The following CARS1 variants were observed in gnomAD, a reference collection of about 807,000 sequenced individuals.
CARS1 encodes cysteinyl-tRNA synthetase 1.
A neutral mutation model predicts 106.2 loss-of-function variants in CARS1; 48 were observed. The ratio of observed to expected loss-of-function variants is 0.45; its 90% CI spans 0.36 to 0.57. The LOEUF (loss-of-function observed/expected upper bound fraction) is 0.57. Among genes scored for constraint, CARS1 ranks in the 20% least tolerant of loss-of-function variants. The probability of loss-of-function intolerance (pLI) is 0.00; values close to 1 mark genes in which losing one functional copy is unlikely to be tolerated. For synonymous variants in CARS1, 409 were observed against 403.4 expected, an observed-to-expected ratio of 1.01 and a Z score of -0.17; for missense variants, 968 against 1,057.2, an observed-to-expected ratio of 0.92 and a Z score of 1.17.
In CARS1 at chr11:3,028,747, C is replaced by T. The variant is rs1011602016; in HGVS notation, c.1031+249G>A. 1.9e-6 allele frequency: 1 copy of T among 527,112 alleles called. No homozygotes were observed. The highest frequency in any genetic ancestry group is 3.3e-6 in the Non-Finnish European group (1 of 298,534). The allele number at this position is 527,112 out of a possible 1,614,324, so 32.7% of individuals were successfully genotyped here. On this transcript the variant is annotated intron_variant, in intron 9 of 22. Transcript: ENST00000380525. This position sits in a 1 kb window ranked among gnomAD's most constrained non-coding sequence, Gnocchi z 4.4. ...GCTCTGGGGCCCCATGACTGATGGT[C>T]TTGGCTGCCGAGCTTCCCAGCAGAT...
chr11:3,002,852 G>T (rs1849523858), intron 20 of CARS1, among the ~76,000 whole-genome samples: 1 of 152,210 alleles, frequency 6.6e-6, no homozygotes, highest in African/African-American at 2.4e-5. Context: ...AAGGTATGCA[G>T]CAGGCAGACA....
At position 3,026,728 on chromosome 11, in the gene CARS1, C is replaced by T. The variant is rs760804244; in HGVS notation, c.1101G>A (p.Gly367=). Residue 367 remains glycine, a synonymous_variant, in exon 10 of 23, where the codon GGG becomes GGA. Transcript: ENST00000380525. ...CTCCAACGGCCTCAGGCACCAGCTT[C>T]CCATAGGAGTGCTTCTCGCTAGAAG... ...KFASSEKHSY[G]KLVPEAVGDQ... The T allele has an allele frequency of 8.1e-6, 13 of 1,613,882 alleles. No homozygotes were observed. In the South Asian group the frequency reaches 1.4e-4, roughly 18 times the overall value.
intron 21 of CARS1, chr11:3,002,338 C>T: frequency 1.1e-6 from 1 of 918,952 alleles, no homozygotes; most frequent in Non-Finnish European, 1.6e-6. Context: ...ATGGCACAGC[C>T]TTCCCCTTGG....
intron 16 of CARS1, among the ~76,000 whole-genome samples, chr11:3,016,399 T>A (rs1157002770): frequency 6.6e-6 from 1 of 151,820 alleles, no homozygotes; most frequent in Non-Finnish European, 1.5e-5. Flanking sequence ...TTTTTGTATT[T>A]TTTTTAGTAG....
Position 3,019,178 on chromosome 11 carries a change from G to A in CARS1, c.1356C>T (p.Leu452=). 1 of 1,528,758 alleles carries A rather than the reference G, an allele frequency of 6.5e-7. No individual in the cohort carries two copies. The highest frequency in any genetic ancestry group is 8.8e-7 in the Non-Finnish European group (1 of 1,141,754). 94.7% of individuals were successfully genotyped at this position (1,528,758 alleles called of 1,614,324 possible). ...SMDIHGGGFD[L]RFPHHDNELA... ...GCTCATTGTCATGGTGGGGGAACCG[G>A]AGGTCGAACCCACCTCCGTGAATGT... Residue 452 remains leucine, a synonymous_variant, in exon 12 of 23, where the codon CTC becomes CTT. Transcript: ENST00000380525. This position sits in a 1 kb window ranked among gnomAD's most constrained non-coding sequence, Gnocchi z 6.2.
Position 3,001,769 on chromosome 11 carries a change from G to A in CARS1, c.2361+201C>T, listed in dbSNP as rs184020887. Among the ~76,000 whole-genome samples, 6 of 152,290 alleles carry A rather than the reference G, an allele frequency of 3.9e-5. 1 individual carries two copies. The highest frequency in any genetic ancestry group is 3.3e-4 in the Admixed American group (5 of 15,296). On this transcript the variant is annotated intron_variant, in intron 22 of 22. Coordinates refer to ENST00000380525, the MANE Select transcript of CARS1 (RefSeq NM_001014437.3). ...ACACCAGTGGAGGGGGCCCTGGCACGGGCTTGCCTAGCTGCCTGGGCTGTG... is the reference window on the plus strand; with the variant it reads ...ACACCAGTGGAGGGGGCCCTGGCACAGGCTTGCCTAGCTGCCTGGGCTGTG...
chr11:3,020,603 C>T lies in CARS1; in HGVS notation c.1154-271G>A, dbSNP rs73427604. On this transcript the variant is annotated intron_variant, in intron 10 of 22. Transcript: ENST00000380525. The surrounding 1 kb of genome is among the most constrained non-coding windows in gnomAD (Gnocchi z 4.6). Reference sequence around the variant, plus strand: ...GGCCACATCTGGGGTCTCCGTAAGACATTCACCTTCCTGCTGCCTTCTCAC... The same window carrying T: ...GGCCACATCTGGGGTCTCCGTAAGATATTCACCTTCCTGCTGCCTTCTCAC... 3.2e-3 allele frequency among the ~76,000 whole-genome samples: 493 copies of T among 152,346 alleles called. 2 individuals are homozygous for T. The highest frequency in any genetic ancestry group is 0.011 in the African/African-American group (475 of 41,574).
chr11:3,015,419 A>G (rs910677098), intron 17 of CARS1, among the ~76,000 whole-genome samples: 15 of 152,254 alleles, frequency 9.9e-5, no homozygotes, highest in Admixed American at 2.0e-4. Context: ...TCGATGAAGC[A>G]TTTACTGAAT....
At position 3,017,587 on chromosome 11, in the gene CARS1, G is replaced by A; in HGVS notation, c.1727+270C>T. ...GAACCCGGGAGGTGGAGGTTGTGGTGAGCCGAGATCACGCCACTGCACTCC... is the reference window on the plus strand; with the variant it reads ...GAACCCGGGAGGTGGAGGTTGTGGTAAGCCGAGATCACGCCACTGCACTCC... On this transcript the variant is annotated intron_variant, in intron 15 of 22. Coordinates refer to ENST00000380525, the MANE Select transcript of CARS1 (RefSeq NM_001014437.3). This position sits in a 1 kb window ranked among gnomAD's most constrained non-coding sequence, Gnocchi z 4.9. 1.8e-6 allele frequency: 1 copy of A among 555,504 alleles called. No individual in the cohort carries two copies. The highest frequency in any genetic ancestry group is 3.2e-6 in the Non-Finnish European group (1 of 313,626). 34.4% of individuals were successfully genotyped at this position (555,504 alleles called of 1,614,324 possible). A position where few individuals can be genotyped will look rare whatever the true frequency, so the allele number is the denominator to read the frequency against.
In CARS1 at chr11:3,057,376, A is replaced by C. The variant is rs1197636760; in HGVS notation, c.-9T>G. On this transcript the variant is annotated 5_prime_UTR_variant, in exon 1 of 23. Transcript: ENST00000380525. ...CCGGAGGAATCTGCCATGGCTGGGA[A>C]TCCCGGACCCGCAGCTGCGGCTACA... The C allele has an allele frequency of 1.2e-6, 2 of 1,609,940 alleles. No individual in the cohort carries two copies. The highest frequency in any genetic ancestry group is 2.7e-5 in the African/African-American group (2 of 75,000).
In CARS1 at chr11:3,020,222, T is replaced by C; in HGVS notation, c.1264A>G (p.Lys422Glu). The C allele has an allele frequency of 1.3e-6, 2 of 1,594,160 alleles. No individual in the cohort carries two copies. Among genetic ancestry groups the C allele is most frequent in the Non-Finnish European group, 1.7e-6 (2 of 1,161,800 alleles). The change falls in exon 11 of 23, where the codon AAG becomes GAG. Residue 422 changes from lysine to glutamate, a missense_variant and splice_region_variant. Lys to Glu is a moderately conservative substitution (Grantham distance 56, BLOSUM62 1). Transcript: ENST00000380525. This position sits in a 1 kb window ranked among gnomAD's most constrained non-coding sequence, Gnocchi z 4.6. ...GEPSWPCPWG[K>E]GRPGWHIECS... ...CACCTTCTAGGCCACTCGCTCACCT[T>C]TCCCCAAGGGCACGGCCAGGACGGT...
At position 3,017,664 on chromosome 11, in the gene CARS1, A is replaced by G; in HGVS notation, c.1727+193T>C. On this transcript the variant is annotated intron_variant, in intron 15 of 22. Transcript: ENST00000380525. The surrounding 1 kb of genome is among the most constrained non-coding windows in gnomAD (Gnocchi z 4.9). ...GTCTCAAAAAGAAAAAACAAAAAAG[A>G]AATTCTCCATGCACTTCAACACCCA... The G allele has an allele frequency of 1.7e-6, 1 of 574,342 alleles. No homozygotes were observed. The highest frequency in any genetic ancestry group is 3.1e-6 in the Non-Finnish European group (1 of 325,556). 35.6% of individuals were successfully genotyped at this position (574,342 alleles called of 1,614,324 possible). A position where few individuals can be genotyped will look rare whatever the true frequency, so the allele number is the denominator to read the frequency against.
intron 17 of CARS1, among the ~76,000 whole-genome samples, chr11:3,012,696 C>A (rs1254463111): frequency 6.6e-6 from 1 of 152,152 alleles, no homozygotes; most frequent in African/African-American, 2.4e-5. Context: ...CTTACCTATG[C>A]TGAGGCTGGC....
chr11:3,041,109 T>A lies in CARS1; in HGVS notation c.367-125A>T. The A allele has an allele frequency of 6.7e-7, 1 of 1,491,524 alleles. No individual in the cohort carries two copies. Among genetic ancestry groups the A allele is most frequent in the East Asian group, 2.4e-5 (1 of 42,346 alleles). The allele number at this position is 1,491,524 out of a possible 1,614,324, so 92.4% of individuals were successfully genotyped here. A position where few individuals can be genotyped will look rare whatever the true frequency, so the allele number is the denominator to read the frequency against. On this transcript the variant is annotated intron_variant, in intron 3 of 22. Transcript: ENST00000380525. This position sits in a 1 kb window ranked among gnomAD's most constrained non-coding sequence, Gnocchi z 4.9. ...AGTGTAAACAATTCAACAGAGACCA[T>A]TTTGTTTTACTGTGAAAAGTCACAG...
At chr11:3,011,545 C>G (rs913452863) in intron 18 of CARS1, among the ~76,000 whole-genome samples, 1 of 152,108 alleles carries the variant, frequency 6.6e-6, no homozygotes, top group Non-Finnish European at 1.5e-5. Flanking sequence ...ACCCGGGAGG[C>G]GGAGCTTGCA....
At position 3,046,494 on chromosome 11, in the gene CARS1, A is replaced by C. The variant is rs1310249999; in HGVS notation, c.274+1259T>G. Among the ~76,000 whole-genome samples, 3 of 152,188 alleles carry C rather than the reference A, an allele frequency of 2.0e-5. No homozygotes were observed. The highest frequency in any genetic ancestry group is 6.5e-5 in the Admixed American group (1 of 15,274). On this transcript the variant is annotated intron_variant, in intron 2 of 22. Transcript: ENST00000380525. The surrounding 1 kb of genome is among the most constrained non-coding windows in gnomAD (Gnocchi z 5.8). Reference sequence around the variant, plus strand: ...GGGGAAGGACGTGACCTGCACAGCAACGGCCTCTGCCCTACGCTGGGGAAG... The same window carrying C: ...GGGGAAGGACGTGACCTGCACAGCACCGGCCTCTGCCCTACGCTGGGGAAG...
intron 20 of CARS1, 68 bp downstream of exon 20, chr11:3,005,298 T>C (rs1849750943): frequency 1.7e-6 from 2 of 1,172,230 alleles, no homozygotes; most frequent in South Asian, 2.5e-5. Context: ...AAGTAAACTA[T>C]GTAATAATCG....
rs561883078 is a variant in CARS1 at position 3,038,029 on chromosome 11, G to A, written c.801+21C>T. 109 of 1,604,688 alleles carry A rather than the reference G, an allele frequency of 6.8e-5. No individual in the cohort carries two copies. The East Asian group carries it at 2.3e-3, about 33-fold the overall frequency. On this transcript the variant is annotated intron_variant, in intron 7 of 22. Transcript: ENST00000380525. The surrounding 1 kb of genome is among the most constrained non-coding windows in gnomAD (Gnocchi z 4.0). ...GACATTTGACCCGAACGGGCTGTCT[G>A]GGAGATGTGTGAAGCCTCACCTCCA...
Position 3,017,796 on chromosome 11 carries a change from G to A in CARS1, c.1727+61C>T, listed in dbSNP as rs936277176. The A allele has an allele frequency of 1.4e-4, 151 of 1,104,722 alleles. 1 individual carries two copies. The East Asian group carries it at 3.5e-3, about 26-fold the overall frequency. 68.4% of individuals were successfully genotyped at this position (1,104,722 alleles called of 1,614,324 possible). On this transcript the variant is annotated intron_variant, in intron 15 of 22. Transcript: ENST00000380525. This position sits in a 1 kb window ranked among gnomAD's most constrained non-coding sequence, Gnocchi z 4.9. ...GTCCAGGACACATGGTGGCCAAGAT[G>A]CGAGGCTAGGCATAGAACATGGGCA...
Sources: gnomAD v4.1 joint callset for allele counts (sites outside exome capture counted in the v4.1 genomes callset) on GRCh38, gnomAD v4.1.1 for gene constraint, Gnocchi (gnomAD v3.1) non-coding constraint, MANE v1.5 for transcripts, NCBI Gene and HGNC (gene_info 2026-07-23, HGNC 2026-07-21) for gene names.